The following GPR55 variants were observed in gnomAD, a reference collection of about 807,000 sequenced individuals.
GPR55 encodes G protein-coupled receptor 55.
A neutral mutation model predicts 7.9 loss-of-function variants in GPR55; 6 were observed. The ratio of observed to expected loss-of-function variants is 0.76; its 90% CI spans 0.41 to 1.49. The LOEUF (loss-of-function observed/expected upper bound fraction) is 1.49. Among genes scored for constraint, GPR55 ranks in the 40% most tolerant of loss-of-function variants. The probability of loss-of-function intolerance (pLI) is 0.01; values close to 1 mark genes in which losing one functional copy is unlikely to be tolerated. For missense variants in GPR55, 376 were observed against 406.0 expected, an observed-to-expected ratio of 0.93 and a Z score of 0.63; for synonymous variants, 183 against 166.8, an observed-to-expected ratio of 1.10 and a Z score of -0.75.
At chr2:230,951,207 A>G (rs1213587096) in intron 1 of GPR55, among the ~76,000 whole-genome samples, 1 of 152,162 alleles carries the variant, frequency 6.6e-6, no homozygotes, top group African/African-American at 2.4e-5. Flanking sequence ...CTGAGCCCTC[A>G]ACCTGTGGGC....
chr2:230,932,430 A>G (rs1022669787), intron 1 of GPR55, among the ~76,000 whole-genome samples: 1 of 152,200 alleles, frequency 6.6e-6, no homozygotes, highest in South Asian at 2.1e-4. Flanking sequence ...GTAAAGGTAC[A>G]TTGCATTCTG....
At position 230,944,584 on chromosome 2, in the gene GPR55, A is replaced by C. The variant is rs1485839280; in HGVS notation, c.-135+16191T>G. On this transcript the variant is annotated intron_variant, in intron 1 of 1. Transcript: ENST00000392039. The surrounding 1 kb of genome is among the most constrained non-coding windows in gnomAD (Gnocchi z 4.2). Reference sequence around the variant, plus strand: ...TGTCTCTGGGAGCCCCCGGAGAATGACTCAACAGTGACGTCCTACAGCATG... The same window carrying C: ...TGTCTCTGGGAGCCCCCGGAGAATGCCTCAACAGTGACGTCCTACAGCATG... Among the ~76,000 whole-genome samples, 1 of 152,140 alleles carries C rather than the reference A, an allele frequency of 6.6e-6. No homozygotes were observed. The highest frequency in any genetic ancestry group is 1.5e-5 in the Non-Finnish European group (1 of 68,026).
chr2:230,916,347 C>T (rs748156224), intron 1 of GPR55, among the ~76,000 whole-genome samples: 31 of 150,660 alleles, frequency 2.1e-4, no homozygotes, highest in Non-Finnish European at 3.8e-4. Context: ...CATAGTGAAA[C>T]CCCATCTCTA....
intron 1 of GPR55, among the ~76,000 whole-genome samples, chr2:230,934,993 C>T (rs1424674232): frequency 6.6e-6 from 1 of 152,140 alleles, no homozygotes; most frequent in East Asian, 1.9e-4. Context: ...CCAGGACACA[C>T]ATGGGTTACC....
At chr2:230,957,822 T>C (rs1048202371) in intron 1 of GPR55, 12 of 599,938 alleles carry the variant, frequency 2.0e-5, no homozygotes, top group Non-Finnish European at 3.2e-5. Context: ...GCTGGTTTCA[T>C]TGTAGGTATA....
At chr2:230,939,009 T>C (rs1028694165) in intron 1 of GPR55, among the ~76,000 whole-genome samples, 3 of 152,152 alleles carry the variant, frequency 2.0e-5, no homozygotes, top group African/African-American at 7.2e-5. Context: ...CATGGAAGCA[T>C]CTAGCACAGA....
intron 1 of GPR55, among the ~76,000 whole-genome samples, chr2:230,922,993 A>C (rs1357683090): frequency 6.6e-6 from 1 of 152,106 alleles, no homozygotes; most frequent in South Asian, 2.1e-4. Context: ...CGTGAGCCCG[A>C]GCACCCGGCC....
At chr2:230,951,230 T>G (rs777764655) in intron 1 of GPR55, among the ~76,000 whole-genome samples, 5 of 152,084 alleles carry the variant, frequency 3.3e-5, no homozygotes, top group Admixed American at 2.0e-4. Flanking sequence ...TAAGACTATC[T>G]CCAGGTAGAC....
intron 1 of GPR55, among the ~76,000 whole-genome samples, chr2:230,945,375 C>CCAAA (rs10634908): frequency 0.47 from 71,195 of 151,194 alleles, 19,887 homozygotes; most frequent in African/African-American, 0.79. Flanking sequence ...GAATGCACTC[C>CCAAA]CAATGACCCA....
At position 230,959,302 on chromosome 2, in the gene GPR55, G is replaced by T. The variant is rs145216238; in HGVS notation, c.-135+1473C>A. Among the ~76,000 whole-genome samples, 143 of 152,098 alleles carry T rather than the reference G, an allele frequency of 9.4e-4. 1 individual carries two copies. The highest frequency in any genetic ancestry group is 1.8e-3 in the Non-Finnish European group (119 of 67,996). ...CTTTAGAAGAAAAATTTAAAAATTAGCTGGGTGTAGTGGTGCATGCCTATA... is the reference window on the plus strand; with the variant it reads ...CTTTAGAAGAAAAATTTAAAAATTATCTGGGTGTAGTGGTGCATGCCTATA... On this transcript the variant is annotated intron_variant, in intron 1 of 1. Transcript: ENST00000392039.
intron 1 of GPR55, among the ~76,000 whole-genome samples, chr2:230,914,788 G>A (rs1052250655): frequency 2.6e-5 from 4 of 152,238 alleles, no homozygotes; most frequent in African/African-American, 9.6e-5. Context: ...AGTTGGCTGG[G>A]TGGGAGGTTG....
chr2:230,916,896 A>G (rs1690729584), intron 1 of GPR55, among the ~76,000 whole-genome samples: 1 of 152,200 alleles, frequency 6.6e-6, no homozygotes, highest in South Asian at 2.1e-4. Context: ...AGTGTGAAAA[A>G]ATTCAACTTT....
chr2:230,952,137 C>A (rs1202496456), intron 1 of GPR55, among the ~76,000 whole-genome samples: 1 of 152,112 alleles, frequency 6.6e-6, no homozygotes, highest in African/African-American at 2.4e-5. Flanking sequence ...GTCACCTGAG[C>A]TCTCATCAGG....
At chr2:230,951,302 C>T (rs192066487) in intron 1 of GPR55, among the ~76,000 whole-genome samples, 1 of 152,160 alleles carries the variant, frequency 6.6e-6, no homozygotes, top group African/African-American at 2.4e-5. Flanking sequence ...GACAACCCCC[C>T]ACACATCTGG....
intron 1 of GPR55, among the ~76,000 whole-genome samples, chr2:230,939,224 G>T (rs1691181827): frequency 6.6e-6 from 1 of 152,224 alleles, no homozygotes. Flanking sequence ...GCTCTTTCCG[G>T]TGGCTCCGAG....
chr2:230,947,943 GCATCCC>G (rs1224135591), intron 1 of GPR55, among the ~76,000 whole-genome samples: 1 of 152,088 alleles, frequency 6.6e-6, no homozygotes, highest in Non-Finnish European at 1.5e-5. Flanking sequence ...CAGAAACTCG[GCATCCC>G]GCCTCACCAG....
intron 1 of GPR55, among the ~76,000 whole-genome samples, chr2:230,943,153 C>G (rs894206711): frequency 1.3e-5 from 2 of 151,840 alleles, no homozygotes; most frequent in African/African-American, 4.8e-5. Context: ...ACAACTGTGC[C>G]CATTGTAGAG....
chr2:230,926,465 G>A (rs1404583567), upstream of GPR55, among the ~76,000 whole-genome samples: 1 of 152,182 alleles, frequency 6.6e-6, no homozygotes, highest in Non-Finnish European at 1.5e-5. Flanking sequence ...GCAAGGGGGG[G>A]CAGCCAGGCC....
At chr2:230,918,937 A>G (rs575147407) in intron 1 of GPR55, among the ~76,000 whole-genome samples, 2 of 152,244 alleles carry the variant, frequency 1.3e-5, no homozygotes, top group South Asian at 4.1e-4. Context: ...TCTTGTTGAA[A>G]TCAGACATTT....
Sources: gnomAD v4.1 joint callset for allele counts (sites outside exome capture counted in the v4.1 genomes callset) on GRCh38, gnomAD v4.1.1 for gene constraint, Gnocchi (gnomAD v3.1) non-coding constraint, MANE v1.5 for transcripts, NCBI Gene and HGNC (gene_info 2026-07-23, HGNC 2026-07-21) for gene names.